Variants in RPH3AL observed in about 807,000 individuals in gnomAD.
The protein encoded by RPH3AL is rab effector Noc2.
In RPH3AL, 38 loss-of-function variants were observed where a neutral mutation model predicts 43.1. That is an observed-to-expected ratio of 0.88 (90% CI 0.68 to 1.15). The LOEUF is 1.15. Among genes scored for constraint, RPH3AL ranks in the 50% most tolerant of loss-of-function variants. The pLI, the probability that RPH3AL is intolerant of heterozygous loss-of-function variation, is 0.00. For synonymous variants in RPH3AL, 189 were observed against 176.3 expected (o/e 1.07, Z -0.57); for missense variants, 462 against 423.2 (o/e 1.09, Z -0.81).
At chr17:318,216 C>G (rs2044354645) in intron 5 of RPH3AL, among the ~76,000 whole-genome samples, 1 of 152,054 alleles carries the variant, frequency 6.6e-6, no homozygotes, top group Non-Finnish European at 1.5e-5. Flanking sequence ...AACCCTGTCT[C>G]TACTAAAATT....
chr17:337,791 G>A (rs776709422), intron 1 of RPH3AL, among the ~76,000 whole-genome samples: 6 of 152,118 alleles, frequency 3.9e-5, no homozygotes, highest in African/African-American at 4.8e-5. Flanking sequence ...TTTGTACCCC[G>A]GCAAGGCCCC....
chr17:235,219 C>G (rs1338908720), intron 7 of RPH3AL, among the ~76,000 whole-genome samples: 1 of 150,044 alleles, frequency 6.7e-6, no homozygotes, highest in East Asian at 2.0e-4. Context: ...AAGCTGGGGT[C>G]GGCGGAGGCT....
At chr17:345,775 G>T (rs762054991) in intron 1 of RPH3AL, among the ~76,000 whole-genome samples, 1 of 129,984 alleles carries the variant, frequency 7.7e-6, no homozygotes, top group African/African-American at 2.6e-5. Flanking sequence ...GCTGGGGCAC[G>T]CGTGCTCCCC....
intron 2 of RPH3AL, chr17:331,370 G>T (rs2044758390): frequency 1.4e-5 from 2 of 147,660 alleles, no homozygotes. Context: ...GCCAGGGCAG[G>T]TTCATCACTG....
chr17:316,795 C>A (rs2044237650), intron 5 of RPH3AL, among the ~76,000 whole-genome samples: 1 of 126,898 alleles, frequency 7.9e-6, no homozygotes, highest in Non-Finnish European at 1.6e-5. Context: ...CCTCCATTGA[C>A]CTGTAGTCCC....
chr17:215,526 A>T lies in RPH3AL; in HGVS notation c.876+128T>A. ...GGTCTGGCTCACCTTGTTCCCCCGC[A>T]CAGTGCTTGGTAAACAACATGCAGA... On this transcript the variant is annotated intron_variant, in intron 9 of 9. Transcript: ENST00000331302. The surrounding 1 kb of genome is among the most constrained non-coding windows in gnomAD (Gnocchi z 4.1). The T allele has an allele frequency of 1.1e-6, 1 of 886,432 alleles. No individual in the cohort carries two copies. Among genetic ancestry groups the T allele is most frequent in the Non-Finnish European group, 1.5e-6 (1 of 670,738 alleles). The allele number at this position is 886,432 out of a possible 1,614,324, so 54.9% of individuals were successfully genotyped here. A position where few individuals can be genotyped will look rare whatever the true frequency, so the allele number is the denominator to read the frequency against.
At chr17:317,557 G>C (rs533753299) in intron 5 of RPH3AL, among the ~76,000 whole-genome samples, 8 of 152,092 alleles carry the variant, frequency 5.3e-5, no homozygotes, top group African/African-American at 1.9e-4. Flanking sequence ...CACCTCCACT[G>C]ACCTGTAGTC....
At chr17:325,590 T>C (rs1423474572) in intron 3 of RPH3AL, among the ~76,000 whole-genome samples, 3 of 152,054 alleles carry the variant, frequency 2.0e-5, no homozygotes, top group Non-Finnish European at 4.4e-5. Flanking sequence ...TCTCAGCCCC[T>C]CCTGATCCCC....
chr17:236,533 G>A (rs148075781), intron 7 of RPH3AL, among the ~76,000 whole-genome samples: 14 of 152,186 alleles, frequency 9.2e-5, no homozygotes, highest in Non-Finnish European at 1.9e-4. Context: ...AAGTATGGAC[G>A]TGAGGTCCTG....
chr17:330,638 G>T (rs976863315), intron 2 of RPH3AL, among the ~76,000 whole-genome samples: 9 of 152,192 alleles, frequency 5.9e-5, no homozygotes, highest in South Asian at 2.1e-4. Context: ...CACTTCGGGA[G>T]ACTCAGGTGG....
chr17:273,743 A>G (rs1035753407), intron 6 of RPH3AL, among the ~76,000 whole-genome samples: 6 of 152,274 alleles, frequency 3.9e-5, no homozygotes, highest in African/African-American at 1.4e-4. Flanking sequence ...GCACCTTTAT[A>G]TACAACACAC....
chr17:337,071 G>A (rs1454706482), intron 1 of RPH3AL, among the ~76,000 whole-genome samples: 1 of 152,064 alleles, frequency 6.6e-6, no homozygotes, highest in Non-Finnish European at 1.5e-5. Flanking sequence ...TAATTTAACC[G>A]TCAAGAGTTT....
chr17:320,991 G>A (rs1258698084), intron 4 of RPH3AL, among the ~76,000 whole-genome samples: 1 of 152,156 alleles, frequency 6.6e-6, no homozygotes, highest in Non-Finnish European at 1.5e-5. Context: ...AACAGCTCCT[G>A]GGAGGCTTCA....
intron 8 of RPH3AL, among the ~76,000 whole-genome samples, chr17:217,031 GA>G (rs2040820664): frequency 6.7e-6 from 1 of 149,794 alleles, no homozygotes; most frequent in Admixed American, 6.6e-5. Context: ...TGGCCTCGCT[GA>G]AATCAGGACC....
At chr17:240,406 A>T (rs1280121990) in intron 7 of RPH3AL, among the ~76,000 whole-genome samples, 1 of 152,108 alleles carries the variant, frequency 6.6e-6, no homozygotes, top group East Asian at 1.9e-4. Flanking sequence ...GTTTCAGACC[A>T]TTTGCATCAG....
rs1380983958 is a variant in RPH3AL, at chr17:333,033, G to A, written c.-37+726C>T. On this transcript the variant is annotated intron_variant, in intron 2 of 9. Coordinates refer to ENST00000331302, the MANE Select transcript of RPH3AL (RefSeq NM_006987.4). This position sits in a 1 kb window ranked among gnomAD's most constrained non-coding sequence, Gnocchi z 4.5. ...CCAGGCAACTTCCTGAGACAGATCG[G>A]TAAAAACAACCCCTTCTTCCAGGAG... 3.9e-6 allele frequency: 5 copies of A among 1,289,096 alleles called. No individual in the cohort carries two copies. The highest frequency in any genetic ancestry group is 1.2e-5 in the South Asian group (1 of 81,016). The allele number at this position is 1,289,096 out of a possible 1,614,324, so 79.9% of individuals were successfully genotyped here.
At chr17:286,928 AGACCTCGCACCCTCTCTCTCCACCG>A (rs2042929438) in intron 5 of RPH3AL, among the ~76,000 whole-genome samples, 9 of 127,640 alleles carry the variant, frequency 7.1e-5, no homozygotes, top group African/African-American at 2.4e-4. Flanking sequence ...CTCCACCGTC[AGACCTCGCACCCTCTCTCTCCACCG>A]TCAGACCTCG....
At position 332,960 on chromosome 17, in the gene RPH3AL, C is replaced by G. The variant is rs568393726; in HGVS notation, c.-37+799G>C. The G allele has an allele frequency of 2.5e-6, 3 of 1,221,256 alleles. No homozygotes were observed. The East Asian group carries it at 1.7e-4, about 69-fold the overall frequency. The allele number at this position is 1,221,256 out of a possible 1,614,324, so 75.7% of individuals were successfully genotyped here. A position where few individuals can be genotyped will look rare whatever the true frequency, so the allele number is the denominator to read the frequency against. ...GTACAGGGAACGGAACAGGAGTTGC[C>G]GGTGATAATTTCCCGAAAAATTCCT... On this transcript the variant is annotated intron_variant, in intron 2 of 9. Transcript: ENST00000331302.
intron 7 of RPH3AL, among the ~76,000 whole-genome samples, chr17:228,777 A>G (rs1054009531): frequency 6.6e-6 from 1 of 151,630 alleles, no homozygotes; most frequent in Non-Finnish European, 1.5e-5. Flanking sequence ...CCCCTCAGAA[A>G]TCCTCCTCTC....
Sources: gnomAD v4.1 joint callset for allele counts (sites outside exome capture counted in the v4.1 genomes callset) on GRCh38, gnomAD v4.1.1 for gene constraint, Gnocchi (gnomAD v3.1) non-coding constraint, MANE v1.5 for transcripts, NCBI Gene and HGNC (gene_info 2026-07-23, HGNC 2026-07-21) for gene names.